Variants in FBXO36 observed in about 807,000 individuals in gnomAD.
FBXO36 encodes the protein F-box protein 36.
FBXO36 carries 18 observed loss-of-function variants against 17.0 expected under a neutral mutation model. That is an observed-to-expected ratio of 1.06 (90% CI 0.73 to 1.57). FBXO36 has a LOEUF of 1.57. Ranked by LOEUF, FBXO36 falls within the 40% of genes most tolerant of loss-of-function variation. The pLI is 0.00. For missense variants in FBXO36, 229 were observed against 221.9 expected (o/e 1.03, Z -0.20); for synonymous variants, 83 against 85.3 (o/e 0.97, Z 0.15).
chr2:229,980,300 A>T (rs1313284600), intron 2 of FBXO36, among the ~76,000 whole-genome samples: 1 of 146,292 alleles, frequency 6.8e-6, no homozygotes, highest in Non-Finnish European at 1.6e-5. Flanking sequence ...GCCTCAAGTG[A>T]TCTGGCTGCC....
intron 1 of FBXO36, among the ~76,000 whole-genome samples, chr2:229,954,586 C>T (rs1440306225): frequency 8.8e-6 from 1 of 114,270 alleles, no homozygotes; most frequent in Admixed American, 1.1e-4. Context: ...CTCGCTCTGT[C>T]ACCCAGGCTG....
At chr2:229,959,501 A>G (rs879535223) in intron 1 of FBXO36, among the ~76,000 whole-genome samples, 2 of 152,196 alleles carry the variant, frequency 1.3e-5, no homozygotes, top group Admixed American at 1.3e-4. Flanking sequence ...GACAGCAATC[A>G]TGAATTCTCC....
chr2:229,994,300 AG>A (rs1243139707), intron 2 of FBXO36, among the ~76,000 whole-genome samples: 29 of 152,194 alleles, frequency 1.9e-4, no homozygotes, highest in Non-Finnish European at 1.3e-4. Flanking sequence ...TCACCCCCCA[AG>A]AAGGCCCTTG....
At chr2:229,988,260 A>C (rs1293061611) in intron 2 of FBXO36, among the ~76,000 whole-genome samples, 1 of 152,170 alleles carries the variant, frequency 6.6e-6, no homozygotes, top group Non-Finnish European at 1.5e-5. Context: ...ATTTCATATA[A>C]ATATTTCTAA....
chr2:229,923,739 C>T (rs1160123021), intron 1 of FBXO36, among the ~76,000 whole-genome samples: 1 of 151,522 alleles, frequency 6.6e-6, no homozygotes. Flanking sequence ...GCAGTGGGCC[C>T]AGGGTCAGAC....
At chr2:229,987,243 T>TC (rs2077273110) in intron 2 of FBXO36, among the ~76,000 whole-genome samples, 1 of 151,308 alleles carries the variant, frequency 6.6e-6, no homozygotes, top group African/African-American at 2.4e-5. Flanking sequence ...TTACAGAGAC[T>TC]CAATACCACT....
chr2:229,975,076 A>G (rs548009979), intron 1 of FBXO36, among the ~76,000 whole-genome samples: 2 of 152,360 alleles, frequency 1.3e-5, no homozygotes, highest in East Asian at 3.9e-4. Context: ...CATCAGGCCC[A>G]TTAATTGACA....
At chr2:229,948,213 C>A (rs2077037553) in intron 1 of FBXO36, among the ~76,000 whole-genome samples, 1 of 152,054 alleles carries the variant, frequency 6.6e-6, no homozygotes, top group Non-Finnish European at 1.5e-5. Flanking sequence ...CCCACATTTA[C>A]ATGTTCTTTT....
intron 1 of FBXO36, among the ~76,000 whole-genome samples, chr2:229,975,997 T>G (rs2077206271): frequency 6.6e-6 from 1 of 152,080 alleles, no homozygotes; most frequent in South Asian, 2.1e-4. Flanking sequence ...TGTGAGCCAC[T>G]GCACCCGGCC....
chr2:229,931,803 C>T (rs1296370568), intron 1 of FBXO36, among the ~76,000 whole-genome samples: 3 of 152,114 alleles, frequency 2.0e-5, no homozygotes, highest in African/African-American at 4.8e-5. Flanking sequence ...CGTGCCATTG[C>T]ACTCTGGCCT....
At chr2:229,942,495 A>T (rs574789675) in intron 1 of FBXO36, among the ~76,000 whole-genome samples, 24 of 152,192 alleles carry the variant, frequency 1.6e-4, no homozygotes, top group African/African-American at 5.8e-4. Context: ...ATTCATGGAG[A>T]TCACCATGAT....
At chr2:229,954,642 G>A (rs1464492168) in intron 1 of FBXO36, among the ~76,000 whole-genome samples, 2 of 146,076 alleles carry the variant, frequency 1.4e-5, no homozygotes, top group Non-Finnish European at 3.0e-5. Context: ...CCCCCTCCCA[G>A]GTTCACGCCA....
intron 2 of FBXO36, among the ~76,000 whole-genome samples, chr2:229,989,726 A>C (rs2077288709): frequency 3.4e-5 from 3 of 87,872 alleles, no homozygotes; most frequent in South Asian, 7.6e-4. Context: ...ACGCCTGGCT[A>C]ATTTTTTTTT....
chr2:229,922,744 AT>A (rs941984579), intron 1 of FBXO36, 135 bp downstream of exon 1: 11 of 850,786 alleles, frequency 1.3e-5, no homozygotes, highest in African/African-American at 3.5e-5. Flanking sequence ...GCGCCGGGAG[AT>A]TTTCCTCGTC....
intron 1 of FBXO36, among the ~76,000 whole-genome samples, chr2:229,928,275 AGCAAGTT>A (rs1426260859): frequency 2.6e-5 from 4 of 152,266 alleles, no homozygotes; most frequent in Non-Finnish European, 5.9e-5. Flanking sequence ...TAGCAAGAAA[AGCAAGTT>A]GCTGGATTAA....
chr2:230,005,292 G>C (rs558306553), intron 3 of FBXO36, among the ~76,000 whole-genome samples: 1 of 113,588 alleles, frequency 8.8e-6, no homozygotes, highest in Admixed American at 9.1e-5. Flanking sequence ...TGTAGAGACT[G>C]GGTCTTGCTA....
chr2:230,009,680 C>T (rs2077404928), intron 3 of FBXO36, among the ~76,000 whole-genome samples: 1 of 152,150 alleles, frequency 6.6e-6, no homozygotes, highest in African/African-American at 2.4e-5. Flanking sequence ...CACGGTGGCT[C>T]ACGCCTGTAA....
intron 2 of FBXO36, among the ~76,000 whole-genome samples, chr2:229,978,340 C>T (rs1459672194): frequency 5.3e-5 from 8 of 150,678 alleles, no homozygotes; most frequent in Non-Finnish European, 1.0e-4. Flanking sequence ...CCCAGCACTT[C>T]GGAAGGCCAA....
At chr2:229,951,251 T>TC (rs2077056312) in intron 1 of FBXO36, among the ~76,000 whole-genome samples, 1 of 137,628 alleles carries the variant, frequency 7.3e-6, no homozygotes, top group Non-Finnish European at 1.6e-5. Context: ...TTTTTTTTCT[T>TC]CTTTTTTTTT....
Sources: allele counts gnomAD v4.1 joint callset (sites outside exome capture counted in the v4.1 genomes callset), GRCh38; gene constraint gnomAD v4.1.1; transcripts MANE v1.5; gene names NCBI Gene and HGNC (gene_info 2026-07-23, HGNC 2026-07-21).